The following ZNF780B variants were observed in gnomAD, a reference collection of about 807,000 sequenced individuals.
ZNF780B encodes zinc finger protein 780B, also known as zinc finger protein 779.
Under a neutral mutation model 74.1 loss-of-function variants are expected in ZNF780B, and 52 were observed. The observed-to-expected ratio is 0.70, with a 90% CI of 0.56 to 0.88. The LOEUF (loss-of-function observed/expected upper bound fraction) is 0.88. ZNF780B is among the 40% of genes least tolerant of loss of function. The probability of loss-of-function intolerance (pLI) is 0.00; values close to 1 mark genes in which losing one functional copy is unlikely to be tolerated. For synonymous variants in ZNF780B, 315 were observed against 324.3 expected, an observed-to-expected ratio of 0.97 and a Z score of 0.31; for missense variants, 953 against 1,007.6, an observed-to-expected ratio of 0.95 and a Z score of 0.73.
chr19:40,048,760 A>G lies in ZNF780B; in HGVS notation c.46T>C (p.Ser16Pro). Residue 16 changes from serine to proline, a missense_variant, in exon 3 of 5, where the codon TCT (serine) becomes CCT (proline). By Grantham distance (74) the Ser-to-Pro change is moderately conservative. Coordinates refer to ENST00000434248, the MANE Select transcript of ZNF780B (RefSeq NM_001005851.3). ...VTFRDVAIDF[S>P]QEEWECLQPD... The stretch of plus-strand genomic sequence containing the variant: ...TGCAGGCACTCCCACTCCTCCTGAG[A>G]GAAGTCAATGGCCACATCCCTGAAT... The G allele has an allele frequency of 1.2e-6, 2 of 1,614,242 alleles. No individual in the cohort carries two copies. Among genetic ancestry groups the G allele is most frequent in the Non-Finnish European group, 8.5e-7 (1 of 1,180,040 alleles).
At chr19:40,038,156 C>T (rs1404261136) in intron 4 of ZNF780B, among the ~76,000 whole-genome samples, 1 of 151,850 alleles carries the variant, frequency 6.6e-6, no homozygotes, top group Non-Finnish European at 1.5e-5. Context: ...TGAGTCAGAA[C>T]ATGTGGTGTT....
In ZNF780B at chr19:40,035,779, G is replaced by T. The variant is rs929300517; in HGVS notation, c.1080C>A (p.Pro360=). The change falls in exon 5 of 5, where the codon CCC becomes CCA. Residue 360 remains proline (P), a synonymous_variant. Coordinates refer to ENST00000434248, the MANE Select transcript of ZNF780B (RefSeq NM_001005851.3). ...CCTTCCCGCATTCCCTGCATTCAAA[G>T]GGCTTCTCACCCATATGAATCTTCT... The part of the protein sequence containing the change: ...RHQKIHMGEK[P]FECRECGKAF... 6.2e-7 allele frequency: 1 copy of T among 1,613,840 alleles called. No homozygotes were observed. Among genetic ancestry groups the T allele is most frequent in the African/African-American group, 1.3e-5 (1 of 74,914 alleles).
intron 2 of ZNF780B, chr19:40,049,061 A>G (rs1302807923): frequency 6.5e-6 from 1 of 154,116 alleles, no homozygotes; most frequent in Non-Finnish European, 1.4e-5. Context: ...CACTCCCTGG[A>G]AAAAAAAAAA....
Position 40,035,166 on chromosome 19 carries a change from A to G in ZNF780B, c.1693T>C (p.Phe565Leu). The G allele has an allele frequency of 6.2e-7, 1 of 1,613,256 alleles. No homozygotes were observed. The highest frequency in any genetic ancestry group is 8.5e-7 in the Non-Finnish European group (1 of 1,179,610). ...TTAAGATTTGAACCACGACGAAAGA[A>G]TTTCCCACATTCCTTACATTCAAAG... ...KPFECKECGK[F>L]FRRGSNLNQH... The change falls in exon 5 of 5, where the codon TTC (phenylalanine) becomes CTC (leucine). Residue 565 changes from phenylalanine to leucine, a missense_variant. Phe to Leu is a conservative substitution (Grantham distance 22). Transcript: ENST00000434248.
chr19:40,031,016 A>G lies in ZNF780B; in HGVS notation c.*3341T>C, dbSNP rs920568995. The G allele has an allele frequency of 1.3e-5, 2 of 152,226 alleles. No individual in the cohort carries two copies. The highest frequency in any genetic ancestry group is 6.5e-5 in the Admixed American group (1 of 15,286). The allele number at this position is 152,226 out of a possible 1,614,324, so 9.4% of individuals were successfully genotyped here. On this transcript the variant is annotated 3_prime_UTR_variant, in exon 5 of 5. Transcript: ENST00000434248. ...ATTATAACTTTACTTATGATTATAG[A>G]TGCAATTAAATGGTAAAAGATAGAA...
intron 2 of ZNF780B, among the ~76,000 whole-genome samples, chr19:40,049,233 CAAAAAAAAAAAAA>C (rs35460563): frequency 5.7e-5 from 2 of 35,150 alleles, no homozygotes; most frequent in Admixed American, 4.0e-4. Flanking sequence ...GACCCTATCT[CAAAAAAAAAAAAA>C]AAAAAAAAAA....
intron 4 of ZNF780B, among the ~76,000 whole-genome samples, chr19:40,047,063 A>T (rs934280466): frequency 1.3e-5 from 2 of 152,248 alleles, no homozygotes; most frequent in African/African-American, 4.8e-5. Flanking sequence ...ACATAGCAAG[A>T]TGCTGCCTCT....
intron 4 of ZNF780B, among the ~76,000 whole-genome samples, chr19:40,037,488 C>A (rs151108627): frequency 6.6e-6 from 1 of 152,190 alleles, no homozygotes; most frequent in East Asian, 1.9e-4. Context: ...GTTACCCAAG[C>A]TGGTCTTGAA....
Position 40,030,945 on chromosome 19 carries a change from T to C in ZNF780B, c.*3412A>G, listed in dbSNP as rs1971979390. On this transcript the variant is annotated 3_prime_UTR_variant, in exon 5 of 5. Coordinates refer to ENST00000434248, the MANE Select transcript of ZNF780B (RefSeq NM_001005851.3). ...GTTTTATATAATCTTGTTTTATAAG[T>C]TGTATAACATCATTGCAATATCAAT... 6.6e-6 allele frequency: 1 copy of C among 152,220 alleles called. No individual in the cohort carries two copies. The highest frequency in any genetic ancestry group is 1.5e-5 in the Non-Finnish European group (1 of 68,048). The allele number at this position is 152,220 out of a possible 1,614,324, so 9.4% of individuals were successfully genotyped here.
intron 4 of ZNF780B, among the ~76,000 whole-genome samples, chr19:40,043,558 C>T (rs1972774926): frequency 6.6e-6 from 1 of 152,244 alleles, no homozygotes; most frequent in Non-Finnish European, 1.5e-5. Flanking sequence ...TGGGCTCCAC[C>T]CAGTTTGAGC....
chr19:40,050,628 C>T (rs1599796633), intron 1 of ZNF780B, among the ~76,000 whole-genome samples: 4 of 152,200 alleles, frequency 2.6e-5, no homozygotes, highest in Middle Eastern at 3.2e-3. Context: ...GCATGAATGC[C>T]GAGCACAGGC....
chr19:40,035,626 A>T lies in ZNF780B; in HGVS notation c.1233T>A (p.His411Gln), dbSNP rs1171664907. 1.9e-6 allele frequency: 3 copies of T among 1,613,832 alleles called. No individual in the cohort carries two copies. Among genetic ancestry groups the T allele is most frequent in the Non-Finnish European group, 2.5e-6 (3 of 1,180,016 alleles). ...SSNLIQHQSI[H>Q]ADVKPYECKE... ...TACATTCATATGGTTTTACATCAGC[A>T]TGAATACTCTGGTGTTGAATAAGGT... The change falls in exon 5 of 5, where the codon CAT becomes CAA. Residue 411 changes from histidine to glutamine, a missense_variant. His to Gln is a conservative substitution (Grantham distance 24). Transcript: ENST00000434248.
intron 2 of ZNF780B, among the ~76,000 whole-genome samples, chr19:40,049,874 T>C (rs1973127661): frequency 1.3e-5 from 2 of 152,074 alleles, no homozygotes; most frequent in South Asian, 4.1e-4. Context: ...TCACCAAACT[T>C]CACTGTAATG....
At chr19:40,047,036 C>T (rs1972962850) in intron 4 of ZNF780B, among the ~76,000 whole-genome samples, 1 of 152,148 alleles carries the variant, frequency 6.6e-6, no homozygotes, top group African/African-American at 2.4e-5. Context: ...GCCAAGAGTT[C>T]AAGATCAGCT....
intron 3 of ZNF780B, among the ~76,000 whole-genome samples, chr19:40,047,850 A>G (rs1973006623): frequency 6.6e-6 from 1 of 152,166 alleles, no homozygotes; most frequent in Admixed American, 6.5e-5. Context: ...GTTTTATAGG[A>G]TTGATACTAA....
chr19:40,043,474 A>T (rs913795647), intron 4 of ZNF780B, among the ~76,000 whole-genome samples: 4 of 152,172 alleles, frequency 2.6e-5, no homozygotes, highest in African/African-American at 9.7e-5. Context: ...AAGTCTGCAG[A>T]GGTTACTGCT....
intron 1 of ZNF780B, 123 bp from the exon 2 acceptor site, chr19:40,050,500 C>T: frequency 1.0e-6 from 1 of 969,482 alleles, no homozygotes; most frequent in South Asian, 1.6e-5. Flanking sequence ...ACACTTCCAC[C>T]CTTCTCCCGT....
intron 4 of ZNF780B, among the ~76,000 whole-genome samples, chr19:40,037,218 ATTT>A (rs562892051): frequency 3.8e-5 from 5 of 131,796 alleles, no homozygotes; most frequent in Non-Finnish European, 1.7e-5. Flanking sequence ...CCTGGCCTCT[ATTT>A]TTTTTTTTTT....
In ZNF780B at chr19:40,035,760, C is replaced by A. The variant is rs373813793; in HGVS notation, c.1099G>T (p.Gly367Trp). The change falls in exon 5 of 5, where the codon GGG becomes TGG. Residue 367 changes from glycine (G) to tryptophan (W), a missense_variant. Transcript: ENST00000434248. ...GEKPFECRECGKAFSLLNQLN... is the reference protein window; with the variant it reads ...GEKPFECRECWKAFSLLNQLN... Reference sequence around the variant, plus strand: ...TGATTGAGGAGACTAAAGGCCTTCCCGCATTCCCTGCATTCAAAGGGCTTC... The same window carrying A: ...TGATTGAGGAGACTAAAGGCCTTCCAGCATTCCCTGCATTCAAAGGGCTTC... 6.2e-7 allele frequency: 1 copy of A among 1,614,036 alleles called. No homozygotes were observed. The highest frequency in any genetic ancestry group is 2.2e-5 in the East Asian group (1 of 44,850).
Sources: gnomAD v4.1 joint callset for allele counts (sites outside exome capture counted in the v4.1 genomes callset) on GRCh38, gnomAD v4.1.1 for gene constraint, MANE v1.5 for transcripts, NCBI Gene and HGNC (gene_info 2026-07-23, HGNC 2026-07-21) for gene names.